Variants in UTRN observed in about 807,000 individuals in gnomAD.
UTRN encodes the protein dystrophin-related protein 1.
UTRN carries 283 observed loss-of-function variants against 463.9 expected under a neutral mutation model. The ratio of observed to expected loss-of-function variants is 0.61; its 90% CI spans 0.55 to 0.67. The LOEUF is 0.67. Among genes scored for constraint, UTRN ranks in the 30% least tolerant of loss-of-function variants. The pLI is 0.00. For synonymous variants in UTRN, 1,442 were observed against 1,431.5 expected, an observed-to-expected ratio of 1.01 and a Z score of -0.17; for missense variants, 3,922 against 4,084.3, an observed-to-expected ratio of 0.96 and a Z score of 1.08.
At chr6:144,659,788 T>G (rs1779675640) in intron 51 of UTRN, 1 of 152,098 alleles carries the variant, frequency 6.6e-6, no homozygotes, top group South Asian at 2.1e-4. Flanking sequence ...TTTTTTCTTC[T>G]CTCATGCAAG....
chr6:144,406,512 G>T (rs536315911), intron 3 of UTRN, among the ~76,000 whole-genome samples: 1 of 151,920 alleles, frequency 6.6e-6, no homozygotes, highest in Non-Finnish European at 1.5e-5. Context: ...GATTATGGGC[G>T]CATGTCACCA....
At chr6:144,412,408 G>C (rs1467871628) in intron 3 of UTRN, among the ~76,000 whole-genome samples, 3 of 152,008 alleles carry the variant, frequency 2.0e-5, no homozygotes, top group Non-Finnish European at 4.4e-5. Context: ...ATGCATTATT[G>C]ATTATTAAGA....
intron 15 of UTRN, 82 bp from the exon 16 acceptor site, chr6:144,447,520 A>C (rs2128555629): frequency 6.7e-7 from 1 of 1,496,492 alleles, no homozygotes; most frequent in Non-Finnish European, 9.2e-7. Flanking sequence ...TATAAAAGAT[A>C]CATGTTTAAA....
chr6:144,465,103 A>G (rs957875269), intron 23 of UTRN, among the ~76,000 whole-genome samples: 2 of 152,204 alleles, frequency 1.3e-5, no homozygotes, highest in African/African-American at 4.8e-5. Flanking sequence ...TCTGGCTCCA[A>G]ATGTCACTAG....
chr6:144,700,555 T>C (rs767950635), intron 53 of UTRN, among the ~76,000 whole-genome samples: 1 of 151,724 alleles, frequency 6.6e-6, no homozygotes, highest in Non-Finnish European at 1.5e-5. Flanking sequence ...TTTTGGGTTT[T>C]TTTTGTTTTT....
At chr6:144,727,187 C>T (rs1303727380) in intron 53 of UTRN, among the ~76,000 whole-genome samples, 1 of 152,182 alleles carries the variant, frequency 6.6e-6, no homozygotes, top group Non-Finnish European at 1.5e-5. Context: ...TCTGCCTCTG[C>T]TCTTCCTTCT....
rs150912162 is a variant in UTRN at position 144,783,484 on chromosome 6, A to G, written c.8834+1361A>G. ...AACTGTACATATTTATGAGGTACAC[A>G]GTGATATTTCAATACATGTATACAG... On this transcript the variant is annotated intron_variant, in intron 61 of 74. Coordinates refer to ENST00000367545, the MANE Select transcript of UTRN (RefSeq NM_007124.3). Among the ~76,000 whole-genome samples the G allele has an allele frequency of 5.9e-3, 891 of 152,286 alleles. 6 individuals are homozygous for G. The highest frequency in any genetic ancestry group is 0.019 in the African/African-American group (770 of 41,554).
At chr6:144,488,614 A>G in intron 29 of UTRN, 59 bp from the exon 30 acceptor site, 1 of 1,559,798 alleles carries the variant, frequency 6.4e-7, no homozygotes, top group Non-Finnish European at 8.7e-7. Context: ...CAGAATATAT[A>G]TATTCTGCTA....
chr6:144,508,602 T>C lies in UTRN; in HGVS notation c.4765-2342T>C, dbSNP rs116967252. Among the ~76,000 whole-genome samples, 376 of 152,264 alleles carry C rather than the reference T, an allele frequency of 2.5e-3. 13 individuals carry two copies. In the East Asian group the frequency reaches 0.059, roughly 24 times the overall value. ...CAGTGAGATGAACCAAGTACCTCTGTTGGAAATGCAGAAATCACCTGCATT... is the reference window on the plus strand; with the variant it reads ...CAGTGAGATGAACCAAGTACCTCTGCTGGAAATGCAGAAATCACCTGCATT... On this transcript the variant is annotated intron_variant, in intron 34 of 74. Transcript: ENST00000367545.
At chr6:144,478,828 C>T (rs1208086827) in intron 25 of UTRN, among the ~76,000 whole-genome samples, 1 of 152,142 alleles carries the variant, frequency 6.6e-6, no homozygotes, top group Non-Finnish European at 1.5e-5. Flanking sequence ...CAGTAGAAGT[C>T]AGTTTGTCGT....
Position 144,487,691 on chromosome 6 carries a change from T to G in UTRN, c.3966T>G (p.Ser1322Arg). The change falls in exon 29 of 75, where the codon AGT (serine) becomes AGG (arginine). Residue 1322 changes from serine to arginine, a missense_variant. By Grantham distance (110) the Ser-to-Arg change is moderately radical (BLOSUM62 -1). Around this residue, in one of 3 missense-constraint regions of UTRN, gnomAD observed 2,349 missense variants for 2,303.8 expected, o/e 1.02. Transcript: ENST00000367545. ...TCAACAGCCGATATGAAGATCTAAGTCACCTGGTAAGAGTTGGGACATACA... is the reference window on the plus strand; with the variant it reads ...TCAACAGCCGATATGAAGATCTAAGGCACCTGGTAAGAGTTGGGACATACA... ...EAFNSRYEDL[S>R]HLAESKQISL... is the part of the protein sequence containing the mutation. 6.2e-7 allele frequency: 1 copy of G among 1,611,828 alleles called. No homozygotes were observed. The highest frequency in any genetic ancestry group is 8.5e-7 in the Non-Finnish European group (1 of 1,178,804).
chr6:144,438,844 C>T lies in UTRN; in HGVS notation c.1341C>T (p.Cys447=). 6.2e-7 allele frequency: 1 copy of T among 1,614,174 alleles called. No individual in the cohort carries two copies. The change falls in exon 12 of 75, where the codon TGC becomes TGT. Residue 447 remains cysteine (C), a synonymous_variant. Coordinates refer to ENST00000367545, the MANE Select transcript of UTRN (RefSeq NM_007124.3). ...TEERIQKMET[C]PLDDDVKSLQ... is the part of the protein sequence containing the mutation. ...AGCGCATTCAGAAGATGGAAACTTGCCCCCTGGATGATGATGTAAAATCTC... is the reference window on the plus strand; with the variant it reads ...AGCGCATTCAGAAGATGGAAACTTGTCCCCTGGATGATGATGTAAAATCTC...
At chr6:144,805,210 G>C (rs983043444) in intron 65 of UTRN, among the ~76,000 whole-genome samples, 1 of 152,108 alleles carries the variant, frequency 6.6e-6, no homozygotes, top group Non-Finnish European at 1.5e-5. Flanking sequence ...AGCTCTGATA[G>C]TGTATCAGAG....
rs34356247 is a variant in UTRN, at chr6:144,344,090, C to CAAA, written c.79+52201_79+52203dup. 3.8e-3 allele frequency: 3,246 copies of CAAA among 843,902 alleles called. 2 individuals carry two copies. The highest frequency in any genetic ancestry group is 0.026 in the African/African-American group (982 of 37,384). The allele number at this position is 843,902 out of a possible 1,614,324, so 52.3% of individuals were successfully genotyped here. Reference sequence around the variant, plus strand: ...CTCTCATGGGAAAAATAAAAGCCACCAAAAAAAAAAAAAAAAAAAACCCAA... The same window carrying CAAA: ...CTCTCATGGGAAAAATAAAAGCCACCAAAAAAAAAAAAAAAAAAAAAAACCCAA... On this transcript the variant is annotated intron_variant, in intron 2 of 74. Transcript: ENST00000367545.
At chr6:144,627,615 TC>T (rs1409438308) in intron 51 of UTRN, among the ~76,000 whole-genome samples, 3 of 152,104 alleles carry the variant, frequency 2.0e-5, no homozygotes, top group Non-Finnish European at 4.4e-5. Context: ...ATTCCCCACT[TC>T]CTCCTTCCCT....
intron 61 of UTRN, among the ~76,000 whole-genome samples, chr6:144,785,415 C>T (rs1163001419): frequency 6.6e-6 from 1 of 152,066 alleles, no homozygotes; most frequent in South Asian, 2.1e-4. Context: ...AAACCTTGCC[C>T]GTTGAGACAG....
At chr6:144,396,339 A>G (rs982443956) in intron 2 of UTRN, among the ~76,000 whole-genome samples, 2 of 152,224 alleles carry the variant, frequency 1.3e-5, no homozygotes, top group African/African-American at 4.8e-5. Context: ...ATGCATAGAA[A>G]CGGACAGTAG....
intron 73 of UTRN, among the ~76,000 whole-genome samples, chr6:144,842,826 C>T (rs1043912668): frequency 6.6e-6 from 1 of 151,982 alleles, no homozygotes; most frequent in African/African-American, 2.4e-5. Flanking sequence ...CCCCACCCCC[C>T]AAAGCACATG....
At chr6:144,490,028 A>T (rs1003735107) in intron 30 of UTRN, 43 bp from the exon 31 acceptor site, 1 of 1,140,998 alleles carries the variant, frequency 8.8e-7, no homozygotes, top group Non-Finnish European at 1.2e-6. Flanking sequence ...ATACTTAAGT[A>T]AAAAAAAAAG....
Sources: gnomAD v4.1 joint callset for allele counts (sites outside exome capture counted in the v4.1 genomes callset) on GRCh38, gnomAD v4.1.1 for gene constraint, gnomAD v4.1.1 regional missense constraint, MANE v1.5 for transcripts, NCBI Gene and HGNC (gene_info 2026-07-23, HGNC 2026-07-21) for gene names.